The following C16orf95 variants were observed in gnomAD, a reference collection of about 807,000 sequenced individuals.
The protein encoded by C16orf95 is chromosome 16 open reading frame 95.
A neutral mutation model predicts 32.1 loss-of-function variants in C16orf95; 41 were observed. That is an observed-to-expected ratio of 1.28 (90% CI 1.00 to 1.66). The LOEUF (loss-of-function observed/expected upper bound fraction) is 1.66, where lower values mean the gene tolerates loss of function less well. C16orf95 is among the 40% of genes most tolerant of loss of function. The pLI is 0.00. For synonymous variants in C16orf95, 147 were observed against 128.9 expected, an observed-to-expected ratio of 1.14 and a Z score of -0.95; for missense variants, 399 against 325.9, an observed-to-expected ratio of 1.22 and a Z score of -1.73.
intron 3 of C16orf95, among the ~76,000 whole-genome samples, chr16:87,311,955 A>G (rs145731590): frequency 1.3e-3 from 197 of 152,312 alleles, no homozygotes; most frequent in African/African-American, 4.6e-3. Flanking sequence ...GACACGGAAT[A>G]AACTCTGAGA....
At chr16:87,306,443 G>C (rs1911035275) in intron 5 of C16orf95, among the ~76,000 whole-genome samples, 2 of 152,052 alleles carry the variant, frequency 1.3e-5, no homozygotes, top group South Asian at 2.1e-4. Flanking sequence ...GGATACTAGA[G>C]TTTGTTTTTA....
rs945039474 is a variant in C16orf95, at chr16:87,305,625, C to T, written c.701+94G>A. The T allele has an allele frequency of 1.7e-5, 20 of 1,164,694 alleles. No individual in the cohort carries two copies. The highest frequency in any genetic ancestry group is 2.2e-5 in the Non-Finnish European group (19 of 858,536). 72.1% of individuals were successfully genotyped at this position (1,164,694 alleles called of 1,614,324 possible). ...GCCTGTCAAGTTAAGCCCCACCCCC[C>T]ACTCTTCCACATCCCTGATGGCCAC... On this transcript the variant is annotated intron_variant, in intron 6 of 6. Transcript: ENST00000567970. The surrounding 1 kb of genome is among the most constrained non-coding windows in gnomAD (Gnocchi z 4.2).
rs1290473942 is a variant in C16orf95 at position 87,315,174 on chromosome 16, G to A, written c.205-78C>T. On this transcript the variant is annotated intron_variant, in intron 2 of 6. Transcript: ENST00000567970. ...AGACAGGAGGCTCTCAAGCACAGTA[G>A]ATCCGTGCTCAGGAAGATGGTGTCC... 3.5e-6 allele frequency: 5 copies of A among 1,414,390 alleles called. No homozygotes were observed. In the African/African-American group the frequency reaches 5.7e-5, roughly 16 times the overall value. The allele number at this position is 1,414,390 out of a possible 1,614,324, so 87.6% of individuals were successfully genotyped here.
chr16:87,303,314 T>C (rs770453650), intron 6 of C16orf95: 1 of 529,884 alleles, frequency 1.9e-6, no homozygotes, highest in African/African-American at 1.9e-5. Context: ...GCCCACTCCT[T>C]CTGAAAAGGG....
chr16:87,316,758 A>G, intron 1 of C16orf95, among the ~76,000 whole-genome samples: 1 of 152,298 alleles, frequency 6.6e-6, no homozygotes, highest in Non-Finnish European at 1.5e-5. Context: ...GTTGAGGTTG[A>G]TAATCTGATA....
intron 3 of C16orf95, among the ~76,000 whole-genome samples, chr16:87,312,825 G>A (rs116295254): frequency 6.6e-6 from 1 of 152,134 alleles, no homozygotes; most frequent in African/African-American, 2.4e-5. Context: ...AGAATAAATA[G>A]GTTTAGCAAT....
rs1007688670 is a variant in C16orf95 at position 87,305,337 on chromosome 16, G to A, written c.701+382C>T. On this transcript the variant is annotated intron_variant, in intron 6 of 6. Transcript: ENST00000567970. This position sits in a 1 kb window ranked among gnomAD's most constrained non-coding sequence, Gnocchi z 4.2. ...GCAAGAGGTCCCCATACCTGAGGGG[G>A]TGCTCAGAGCTCAGAGGCTGGAGGG... Among the ~76,000 whole-genome samples the A allele has an allele frequency of 1.3e-5, 2 of 152,174 alleles. No homozygotes were observed. Among genetic ancestry groups the A allele is most frequent in the African/African-American group, 4.8e-5 (2 of 41,446 alleles).
At chr16:87,313,140 G>T (rs1441081051) in intron 3 of C16orf95, among the ~76,000 whole-genome samples, 1 of 150,976 alleles carries the variant, frequency 6.6e-6, no homozygotes, top group East Asian at 1.9e-4. Context: ...CAAAATTCCA[G>T]TAGGGTACTT....
intron 1 of C16orf95, among the ~76,000 whole-genome samples, chr16:87,316,582 G>T (rs1357835198): frequency 6.6e-6 from 1 of 152,094 alleles, no homozygotes; most frequent in Non-Finnish European, 1.5e-5. Flanking sequence ...CAGAGGATGG[G>T]GCACTGCCCT....
rs1465927213 is a variant in C16orf95, at chr16:87,302,858, A to C, written c.*199T>G. On this transcript the variant is annotated 3_prime_UTR_variant, in exon 7 of 7. Coordinates refer to ENST00000567970, the MANE Select transcript of C16orf95 (RefSeq NM_001195124.3). Reference sequence around the variant, plus strand: ...CATTTATTGACCACATTCATAACAGAAACTCACCCACATTCACATGAACTT... The same window carrying C: ...CATTTATTGACCACATTCATAACAGCAACTCACCCACATTCACATGAACTT... 4.9e-6 allele frequency: 3 copies of C among 613,574 alleles called. No individual in the cohort carries two copies. In the Admixed American group the frequency reaches 7.8e-5, roughly 16 times the overall value. The allele number at this position is 613,574 out of a possible 1,614,324, so 38.0% of individuals were successfully genotyped here.
intron 5 of C16orf95, among the ~76,000 whole-genome samples, chr16:87,308,627 A>T (rs1911134532): frequency 6.6e-6 from 1 of 152,170 alleles, no homozygotes; most frequent in African/African-American, 2.4e-5. Flanking sequence ...ATCCACTCTT[A>T]CCACGATGGG....
intron 5 of C16orf95, among the ~76,000 whole-genome samples, chr16:87,307,327 T>C (rs932913187): frequency 6.6e-6 from 1 of 152,154 alleles, no homozygotes; most frequent in Non-Finnish European, 1.5e-5. Flanking sequence ...TACTATGTCA[T>C]GAGAGCAGGA....
At chr16:87,312,163 C>T (rs1911311018) in intron 3 of C16orf95, among the ~76,000 whole-genome samples, 1 of 152,194 alleles carries the variant, frequency 6.6e-6, no homozygotes, top group South Asian at 2.1e-4. Flanking sequence ...CAGGGTGGTC[C>T]CACCTCTCAG....
chr16:87,311,145 C>T lies in C16orf95; in HGVS notation c.477+5G>A. The T allele has an allele frequency of 1.3e-6, 2 of 1,521,152 alleles. No individual in the cohort carries two copies. Among genetic ancestry groups the T allele is most frequent in the Non-Finnish European group, 1.8e-6 (2 of 1,136,140 alleles). The allele number at this position is 1,521,152 out of a possible 1,614,324, so 94.2% of individuals were successfully genotyped here. On this transcript the variant is annotated splice_donor_5th_base_variant and intron_variant, in intron 4 of 6. Transcript: ENST00000567970. ...TTCTCACTGCAGTGTGCGCCTCCTC[C>T]TTACCTGCTGCTGAGACCTCAGGAC...
At chr16:87,303,254 G>C in intron 6 of C16orf95, 179 bp from the exon 7 acceptor site, 1 of 609,934 alleles carries the variant, frequency 1.6e-6, no homozygotes, top group East Asian at 2.8e-5. Context: ...TGCAGTCCTG[G>C]CCATATCGCT....
chr16:87,308,982 C>T (rs1294781617), intron 5 of C16orf95, among the ~76,000 whole-genome samples: 1 of 152,210 alleles, frequency 6.6e-6, no homozygotes, highest in Non-Finnish European at 1.5e-5. Context: ...TTTTTTCTCA[C>T]AAACTGATGT....
intron 1 of C16orf95, among the ~76,000 whole-genome samples, chr16:87,316,611 C>T (rs1904346444): frequency 6.6e-6 from 1 of 152,090 alleles, no homozygotes; most frequent in Non-Finnish European, 1.5e-5. Context: ...TCCGAGGCCC[C>T]TTCTGGTAAT....
intron 6 of C16orf95, chr16:87,303,429 CT>C: frequency 4.1e-6 from 1 of 241,284 alleles, no homozygotes; most frequent in South Asian, 8.8e-5. Context: ...AGCCCACCCT[CT>C]CCCCCCACCC....
chr16:87,311,203 C>T lies in C16orf95; in HGVS notation c.424G>A (p.Asp142Asn), dbSNP rs1268992195. 11 of 1,535,802 alleles carry T rather than the reference C, an allele frequency of 7.2e-6. No homozygotes were observed. The South Asian group carries it at 8.3e-5, about 12-fold the overall frequency. ...ACCCAGTAGGGCATCACTGCCTGGTCCCTAGGCATCGGGAGGCGGCCCCCA... is the reference window on the plus strand; with the variant it reads ...ACCCAGTAGGGCATCACTGCCTGGTTCCTAGGCATCGGGAGGCGGCCCCCA... ...RFGGRLPMPR[D>N]QAVMPYWVPQ... The change falls in exon 4 of 7, where the codon GAC becomes AAC. Residue 142 changes from aspartate (D) to asparagine (N), a missense_variant. Coordinates refer to ENST00000567970, the MANE Select transcript of C16orf95 (RefSeq NM_001195124.3).
Sources: allele counts gnomAD v4.1 joint callset (sites outside exome capture counted in the v4.1 genomes callset), GRCh38; gene constraint gnomAD v4.1.1; non-coding constraint Gnocchi (gnomAD v3.1); transcripts MANE v1.5; gene names NCBI Gene and HGNC (gene_info 2026-07-23, HGNC 2026-07-21).